Variants in CEP295 observed in about 807,000 individuals in gnomAD.
The protein encoded by CEP295 is centrosomal protein 295.
Under a neutral mutation model 291.6 loss-of-function variants are expected in CEP295, and 190 were observed. The observed-to-expected ratio is 0.65, with a 90% CI of 0.58 to 0.73. The LOEUF is 0.73. Ranked by LOEUF, CEP295 falls within the 30% of genes least tolerant of loss-of-function variation. The pLI, the probability that CEP295 is intolerant of heterozygous loss-of-function variation, is 0.00. For missense variants in CEP295, 2,863 were observed against 2,949.4 expected (o/e 0.97, Z 0.68); for synonymous variants, 993 against 1,038.8 (o/e 0.96, Z 0.85).
At chr11:93,677,987 A>C (rs4753097) in intron 6 of CEP295, among the ~76,000 whole-genome samples, 138,060 of 152,180 alleles carry the variant, frequency 0.91, 63,638 homozygotes, top group Non-Finnish European at 0.99. Context: ...TTGAAGTATG[A>C]TCAATAAGAA....
At chr11:93,687,521 A>G in intron 9 of CEP295, 123 bp from the exon 10 acceptor site, 1 of 588,952 alleles carries the variant, frequency 1.7e-6, no homozygotes, top group Middle Eastern at 4.5e-4. Context: ...AATCGTAAAT[A>G]TGAGGAAAAT....
At position 93,679,455 on chromosome 11, in the gene CEP295, A is replaced by C. The variant is rs776293093; in HGVS notation, c.668A>C (p.Glu223Ala). 1 of 1,551,556 alleles carries C rather than the reference A, an allele frequency of 6.4e-7. No individual in the cohort carries two copies. The highest frequency in any genetic ancestry group is 1.2e-5 in the South Asian group (1 of 84,034). The change falls in exon 7 of 30, where the codon GAA becomes GCA. Residue 223 changes from glutamate (E) to alanine (A), a missense_variant. Glu to Ala is a moderately radical substitution (Grantham distance 107, BLOSUM62 -1). Coordinates refer to ENST00000325212, the MANE Select transcript of CEP295 (RefSeq NM_033395.2). ...LAAEEEAKRL[E>A]ELQKQAAQER... Reference sequence around the variant, plus strand: ...GCTGAAGAGGAAGCTAAACGATTGGAAGAACTACAAAAACAGGCAGCACAA... The same window carrying C: ...GCTGAAGAGGAAGCTAAACGATTGGCAGAACTACAAAAACAGGCAGCACAA...
chr11:93,717,390 G>A (rs1438301260), intron 18 of CEP295, among the ~76,000 whole-genome samples: 1 of 152,206 alleles, frequency 6.6e-6, no homozygotes, highest in Non-Finnish European at 1.5e-5. Flanking sequence ...TGCGGTGAGG[G>A]GGAATGCATA....
intron 10 of CEP295, among the ~76,000 whole-genome samples, chr11:93,689,334 C>G (rs553292734): frequency 3.0e-4 from 45 of 152,318 alleles, no homozygotes; most frequent in Middle Eastern, 3.4e-3. Context: ...ACCACCACTA[C>G]TCCCATACTC....
chr11:93,700,428 T>TC (rs951660393), intron 15 of CEP295, among the ~76,000 whole-genome samples: 1 of 143,680 alleles, frequency 7.0e-6, no homozygotes, highest in African/African-American at 2.6e-5. Context: ...TGTTTTTGCT[T>TC]TTTTTTTTTT....
rs144580333 is a variant in CEP295, at chr11:93,663,011, A to G, written c.-27+1237A>G. On this transcript the variant is annotated intron_variant, in intron 1 of 29. Coordinates refer to ENST00000325212, the MANE Select transcript of CEP295 (RefSeq NM_033395.2). Reference sequence around the variant, plus strand: ...AAATCTAAATGGAGGGACATTCAACAAAGTACTTGGCCAGTATTTTCAAAA... The same window carrying G: ...AAATCTAAATGGAGGGACATTCAACGAAGTACTTGGCCAGTATTTTCAAAA... Among the ~76,000 whole-genome samples, 257 of 152,372 alleles carry G rather than the reference A, an allele frequency of 1.7e-3. 2 individuals carry two copies. In the East Asian group the frequency reaches 0.039, roughly 23 times the overall value.
intron 18 of CEP295, among the ~76,000 whole-genome samples, chr11:93,711,804 C>A (rs1473458352): frequency 6.6e-6 from 1 of 152,016 alleles, no homozygotes; most frequent in Non-Finnish European, 1.5e-5. Flanking sequence ...AGCCACCACT[C>A]CTGGGCTATT....
At chr11:93,728,879 T>C in intron 25 of CEP295, 58 bp downstream of exon 25, 1 of 1,427,438 alleles carries the variant, frequency 7.0e-7, no homozygotes, top group South Asian at 1.4e-5. Flanking sequence ...TTGATTTGTC[T>C]CTTACAACTT....
At chr11:93,700,990 C>T (rs1019530641) in intron 15 of CEP295, among the ~76,000 whole-genome samples, 4 of 152,088 alleles carry the variant, frequency 2.6e-5, no homozygotes, top group Admixed American at 6.6e-5. Context: ...TCATAAGACT[C>T]GGCCCAGTGA....
At chr11:93,686,789 T>G (rs886708646) in intron 9 of CEP295, among the ~76,000 whole-genome samples, 1 of 152,100 alleles carries the variant, frequency 6.6e-6, no homozygotes, top group Non-Finnish European at 1.5e-5. Flanking sequence ...ATCTGAAAGG[T>G]GGTACATTGA....
At chr11:93,678,425 A>G (rs1310387579) in intron 6 of CEP295, among the ~76,000 whole-genome samples, 1 of 152,158 alleles carries the variant, frequency 6.6e-6, no homozygotes, top group Non-Finnish European at 1.5e-5. Flanking sequence ...CTCTTTGTTA[A>G]TTTAATAACT....
intron 1 of CEP295, among the ~76,000 whole-genome samples, chr11:93,665,452 A>C (rs2134760976): frequency 6.6e-6 from 1 of 152,362 alleles, no homozygotes; most frequent in Non-Finnish European, 1.5e-5. Context: ...TCACACCTTT[A>C]ATCCCAGCAA....
intron 25 of CEP295, 139 bp downstream of exon 25, chr11:93,728,960 T>C: frequency 1.4e-6 from 1 of 700,764 alleles, no homozygotes; most frequent in South Asian, 2.1e-5. Flanking sequence ...CAGCTCTCAA[T>C]TTGTCTTAAA....
chr11:93,709,938 G>A (rs1591106206), intron 18 of CEP295, among the ~76,000 whole-genome samples: 1 of 152,094 alleles, frequency 6.6e-6, no homozygotes, highest in East Asian at 1.9e-4. Context: ...TTCTTTTCAG[G>A]TGATTTGCTT....
intron 17 of CEP295, among the ~76,000 whole-genome samples, chr11:93,704,663 T>A (rs1366485029): frequency 1.3e-5 from 2 of 152,142 alleles, no homozygotes; most frequent in Non-Finnish European, 2.9e-5. Flanking sequence ...ACTTAGTAAG[T>A]GTCATTGGTT....
chr11:93,703,619 C>A (rs1952319544), intron 17 of CEP295, among the ~76,000 whole-genome samples: 1 of 151,090 alleles, frequency 6.6e-6, no homozygotes, highest in Admixed American at 6.6e-5. Flanking sequence ...TACTTTCCTA[C>A]CTTCACTGTT....
intron 18 of CEP295, among the ~76,000 whole-genome samples, chr11:93,714,346 G>A (rs550401429): frequency 1.3e-5 from 2 of 152,280 alleles, no homozygotes; most frequent in East Asian, 3.9e-4. Flanking sequence ...TGCCTTCCAG[G>A]TTCAGGCGAA....
chr11:93,696,366 G>A lies in CEP295; in HGVS notation c.1718G>A (p.Ser573Asn). Reference sequence around the variant, plus strand: ...TGCCCTGTAATTTCTGATGAAGATAGTCATAGGCAGATGATTCGTAACTAT... The same window carrying A: ...TGCCCTGTAATTTCTGATGAAGATAATCATAGGCAGATGATTCGTAACTAT... Reference protein sequence around the residue: ...ASCPVISDEDSHRQMIRNYQH... With the variant: ...ASCPVISDEDNHRQMIRNYQH... The change falls in exon 14 of 30, where the codon AGT (serine) becomes AAT (asparagine). Residue 573 changes from serine (S) to asparagine (N), a missense_variant. Physicochemically the swap from Ser to Asn is conservative, Grantham distance 46. This residue lies in a region of CEP295 where 2,295 missense variants were observed against 2,335.7 expected (regional missense o/e 0.98). Transcript: ENST00000325212. 6.4e-7 allele frequency: 1 copy of A among 1,550,878 alleles called. No homozygotes were observed. Among genetic ancestry groups the A allele is most frequent in the Non-Finnish European group, 8.7e-7 (1 of 1,146,460 alleles).
At chr11:93,692,630 T>C (rs892686095) in intron 12 of CEP295, among the ~76,000 whole-genome samples, 1 of 152,066 alleles carries the variant, frequency 6.6e-6, no homozygotes, top group Non-Finnish European at 1.5e-5. Context: ...GCTAATTTTT[T>C]TTTTTTCCTA....
Sources: gnomAD v4.1 joint callset for allele counts (sites outside exome capture counted in the v4.1 genomes callset) on GRCh38, gnomAD v4.1.1 for gene constraint, gnomAD v4.1.1 regional missense constraint, MANE v1.5 for transcripts, NCBI Gene and HGNC (gene_info 2026-07-23, HGNC 2026-07-21) for gene names.